NBEAL2: variants seen among roughly 807,000 people sequenced by gnomAD.
NBEAL2 encodes the protein neurobeachin like 2, also known as neurobeachin-like protein 2.
NBEAL2 carries 160 observed loss-of-function variants against 299.8 expected under a neutral mutation model. The ratio of observed to expected loss-of-function variants is 0.53; its 90% confidence interval spans 0.47 to 0.61. The LOEUF (loss-of-function observed/expected upper bound fraction) is 0.61, where lower values mean the gene tolerates loss of function less well. NBEAL2 is among the 20% of genes least tolerant of loss of function. The probability of loss-of-function intolerance (pLI) is 0.00; values close to 1 mark genes in which losing one functional copy is unlikely to be tolerated. For synonymous variants in NBEAL2, 1,493 were observed against 1,542.3 expected, an observed-to-expected ratio of 0.97 and a Z score of 0.75; for missense variants, 3,112 against 3,649.0, an observed-to-expected ratio of 0.85 and a Z score of 3.79.
Position 47,002,157 on chromosome 3 carries a change from C to T in NBEAL2, c.5020C>T (p.Arg1674Cys), listed in dbSNP as rs759044125. The change falls in exon 31 of 54, where the codon CGT (arginine) becomes TGT (cysteine). Residue 1674 changes from arginine to cysteine, a missense_variant. This residue lies in a region of NBEAL2 where 2,243 missense variants were observed against 2,538.1 expected (regional missense o/e 0.88). Transcript: ENST00000450053. ...GCCACTGGTGCGCACGCTGCTAGAC[C>T]GTGCCTATGAGCCGCTGGGGCTGCA... is the stretch of plus-strand genomic sequence containing the variant. ...LVPLVRTLLD[R>C]AYEPLGLQWG... The T allele has an allele frequency of 1.9e-6, 3 of 1,539,320 alleles. No homozygotes were observed. Among genetic ancestry groups the T allele is most frequent in the Non-Finnish European group, 1.8e-6 (2 of 1,139,366 alleles).
chr3:47,004,670 C>T lies in NBEAL2; in HGVS notation c.6294+80C>T, dbSNP rs773261954. On this transcript the variant is annotated intron_variant, in intron 38 of 53. Coordinates refer to ENST00000450053, the MANE Select transcript of NBEAL2 (RefSeq NM_015175.3). The surrounding 1 kb of genome is among the most constrained non-coding windows in gnomAD (Gnocchi z 5.0). Reference sequence around the variant, plus strand: ...TGGTTCCCCCAAGTGTAGGTACCTGCCAGTGGGCCAAGCTCTGAGCTTGGT... The same window carrying T: ...TGGTTCCCCCAAGTGTAGGTACCTGTCAGTGGGCCAAGCTCTGAGCTTGGT... The T allele has an allele frequency of 5.0e-6, 7 of 1,405,834 alleles. No individual in the cohort carries two copies. In the East Asian group the frequency reaches 1.4e-4, roughly 28 times the overall value. 87.1% of individuals were successfully genotyped at this position (1,405,834 alleles called of 1,614,324 possible). A position where few individuals can be genotyped will look rare whatever the true frequency, so the allele number is the denominator to read the frequency against.
intron 40 of NBEAL2, 68 bp from the exon 41 acceptor site, chr3:47,005,421 C>T (rs915616475): frequency 1.3e-6 from 2 of 1,581,206 alleles, no homozygotes; most frequent in Non-Finnish European, 8.6e-7. Context: ...TTCTTCCCTC[C>T]AGCCACAGCA....
At chr3:46,994,424 G>A in intron 11 of NBEAL2, 31 bp from the exon 12 acceptor site, 1 of 1,554,060 alleles carries the variant, frequency 6.4e-7, no homozygotes, top group Non-Finnish European at 8.7e-7. Context: ...CCATGTATGT[G>A]TTCACTTCTT....
rs1256186415 is a variant in NBEAL2, at chr3:47,009,231, C to T, written c.8176C>T (p.Gln2726Ter). The part of the protein sequence containing the change: ...AGQPSEVRSS[Q>*]FARKLWRSSR... The stretch of plus-strand genomic sequence containing the variant: ...TTACGCCCACCAGGTGCGCAGCAGC[C>T]AGTTCGCGCGGAAGCTGTGGCGGTC... Residue 2726 changes from glutamine to a stop codon, truncating the protein, a stop_gained, in exon 54 of 54, where the codon CAG becomes TAG. Transcript: ENST00000450053. LOFTEE classifies it high-confidence loss of function. The T allele has an allele frequency of 6.3e-7, 1 of 1,598,122 alleles. No homozygotes were observed. The highest frequency in any genetic ancestry group is 1.3e-5 in the African/African-American group (1 of 74,606).
At position 46,989,438 on chromosome 3, in the gene NBEAL2, G is replaced by A. The variant is rs1465639755; in HGVS notation, c.473+57G>A. 1.9e-5 allele frequency: 30 copies of A among 1,563,902 alleles called. No individual in the cohort carries two copies. Among genetic ancestry groups the A allele is most frequent in the East Asian group, 9.6e-5 (4 of 41,808 alleles). ...AGGAGGGTGGGGAGAGGATGGCCGC[G>A]CTGGGCCCAAGGAGGGGTGACGGCC... On this transcript the variant is annotated intron_variant, in intron 5 of 53. Coordinates refer to ENST00000450053, the MANE Select transcript of NBEAL2 (RefSeq NM_015175.3). The surrounding 1 kb of genome is among the most constrained non-coding windows in gnomAD (Gnocchi z 5.5).
chr3:47,006,019 C>T lies in NBEAL2; in HGVS notation c.6875C>T (p.Ala2292Val). The part of the protein sequence containing the change: ...LIFGYKQRGP[A>V]AEEALNVFYY... ...TTTGGCTACAAGCAGCGGGGGCCAG[C>T]CGCCGAGGAGGCCCTCAATGTCTTC... is the stretch of plus-strand genomic sequence containing the variant. The change falls in exon 43 of 54, where the codon GCC becomes GTC. Residue 2292 changes from alanine (A) to valine (V), a missense_variant. Ala to Val is a moderately conservative substitution (Grantham distance 64, BLOSUM62 0). Transcript: ENST00000450053. The T allele has an allele frequency of 6.2e-7, 1 of 1,613,766 alleles. No homozygotes were observed.
chr3:46,980,411 C>T (rs1453140705), intron 1 of NBEAL2, among the ~76,000 whole-genome samples: 1 of 152,076 alleles, frequency 6.6e-6, no homozygotes, highest in Non-Finnish European at 1.5e-5. Context: ...AAGGGGAATG[C>T]TCCCACTTCA....
At position 47,004,246 on chromosome 3, in the gene NBEAL2, TCC is replaced by T; in HGVS notation, c.6053_6054del (p.Pro2018GlnfsTer54). On this transcript the variant is annotated frameshift_variant, in exon 37 of 54. Transcript: ENST00000450053. LOFTEE classifies it high-confidence loss of function. This position sits in a 1 kb window ranked among gnomAD's most constrained non-coding sequence, Gnocchi z 5.0. ...CCCCAGTCTCATCTCCTAGCCAGAC[TCC>T]CAGACCCCAGCCTGGCCCCATCCCA... ...TTPVSSPSQT[P>X]RPQPGPIPPH... is the part of the protein sequence containing the mutation. The T allele has an allele frequency of 1.9e-6, 3 of 1,613,688 alleles. No homozygotes were observed. The highest frequency in any genetic ancestry group is 2.5e-6 in the Non-Finnish European group (3 of 1,179,796).
At chr3:46,994,157 C>T in intron 11 of NBEAL2, 137 bp downstream of exon 11, 1 of 894,840 alleles carries the variant, frequency 1.1e-6, no homozygotes, top group South Asian at 1.6e-5. Context: ...GGTGACTGCC[C>T]TGCCCTAAAG....
chr3:46,985,502 C>T (rs1185990849), intron 1 of NBEAL2, among the ~76,000 whole-genome samples: 13 of 152,194 alleles, frequency 8.5e-5, no homozygotes, highest in Non-Finnish European at 5.9e-5. Context: ...GTTCCATGCC[C>T]ACCCAGGGAC....
Position 47,006,319 on chromosome 3 carries a change from C to T in NBEAL2, c.7018-14C>T. The T allele has an allele frequency of 1.2e-6, 2 of 1,600,184 alleles. No homozygotes were observed. The highest frequency in any genetic ancestry group is 1.7e-6 in the Non-Finnish European group (2 of 1,173,946). On this transcript the variant is annotated splice_polypyrimidine_tract_variant and intron_variant, in intron 44 of 53. Coordinates refer to ENST00000450053, the MANE Select transcript of NBEAL2 (RefSeq NM_015175.3). ...ATGCCCATGCCATGGTGCTGACCAG[C>T]CACTTACCCACAGGAGCCACATCCA...
chr3:46,998,071 C>G lies in NBEAL2; in HGVS notation c.2963C>G (p.Pro988Arg). 2 of 1,566,964 alleles carry G rather than the reference C, an allele frequency of 1.3e-6. No homozygotes were observed. The highest frequency in any genetic ancestry group is 1.7e-6 in the Non-Finnish European group (2 of 1,155,600). ...CCAGCTCCTGTCTTATCCCAGGTCC[C>G]AAGCTGGGCCATGGACATGAACGTG... ...AIIGALLRKV[P>R]SWAMDMNVLM... The change falls in exon 21 of 54, where the codon CCA (proline) becomes CGA (arginine). Residue 988 changes from proline (P) to arginine (R), a missense_variant. Pro to Arg is a moderately radical substitution (Grantham distance 103, BLOSUM62 -2). Around this residue, in one of 3 missense-constraint regions of NBEAL2, gnomAD observed 2,243 missense variants for 2,538.1 expected, o/e 0.88. Coordinates refer to ENST00000450053, the MANE Select transcript of NBEAL2 (RefSeq NM_015175.3).
intron 9 of NBEAL2, 140 bp downstream of exon 9, chr3:46,992,086 G>C: frequency 1.3e-6 from 1 of 766,250 alleles, no homozygotes; most frequent in Non-Finnish European, 2.2e-6. Flanking sequence ...TTGCAGTTCA[G>C]TGGGAGGGTG....
Position 46,997,058 on chromosome 3 carries a change from C to T in NBEAL2, c.2649+12C>T, listed in dbSNP as rs757717303. On this transcript the variant is annotated intron_variant, in intron 18 of 53. Transcript: ENST00000450053. ...CCTGGGATGTGAAGGTCTGTGAGCA[C>T]GTGTGGGTGGTGTGTGCAGGAGGCA... is the stretch of plus-strand genomic sequence containing the variant. 7.5e-6 allele frequency: 12 copies of T among 1,609,844 alleles called. No individual in the cohort carries two copies. The highest frequency in any genetic ancestry group is 4.0e-5 in the African/African-American group (3 of 74,854).
rs1167971882 is a variant in NBEAL2, at chr3:47,001,719, C to T, written c.4675C>T (p.Arg1559Cys). 5 of 1,613,830 alleles carry T rather than the reference C, an allele frequency of 3.1e-6. No homozygotes were observed. Among genetic ancestry groups the T allele is most frequent in the East Asian group, 2.2e-5 (1 of 44,870 alleles). ...LFEGVCSLLD[R>C]LGAWPHLANG... Reference sequence around the variant, plus strand: ...TGAAGGTGTATGCAGCCTACTTGATCGCCTGGGAGCCTGGCCCCACCTGGC... The same window carrying T: ...TGAAGGTGTATGCAGCCTACTTGATTGCCTGGGAGCCTGGCCCCACCTGGC... Residue 1559 changes from arginine to cysteine, a missense_variant, in exon 30 of 54, where the codon CGC becomes TGC. Coordinates refer to ENST00000450053, the MANE Select transcript of NBEAL2 (RefSeq NM_015175.3). This position sits in a 1 kb window ranked among gnomAD's most constrained non-coding sequence, Gnocchi z 6.1.
In NBEAL2 at chr3:47,001,902, T is replaced by C; in HGVS notation, c.4783-18T>C. 2 of 1,605,854 alleles carry C rather than the reference T, an allele frequency of 1.2e-6. No individual in the cohort carries two copies. Among genetic ancestry groups the C allele is most frequent in the South Asian group, 1.1e-5 (1 of 90,966 alleles). On this transcript the variant is annotated intron_variant, in intron 30 of 53. Coordinates refer to ENST00000450053, the MANE Select transcript of NBEAL2 (RefSeq NM_015175.3). This position sits in a 1 kb window ranked among gnomAD's most constrained non-coding sequence, Gnocchi z 6.1. ...TCCAAGAGTGGCTGGGTGCCACTCA[T>C]CTCTCTTGCGCCCACAGCTGCATGC...
Position 47,007,710 on chromosome 3 carries a change from T to C in NBEAL2, c.7507+13T>C. ...AGCTGCCACCTTGGTATGAACAGCC[T>C]TGGAGCTGGGGAGAATGAGGCACAC... On this transcript the variant is annotated intron_variant, in intron 48 of 53. Coordinates refer to ENST00000450053, the MANE Select transcript of NBEAL2 (RefSeq NM_015175.3). 1 of 1,609,626 alleles carries C rather than the reference T, an allele frequency of 6.2e-7. No individual in the cohort carries two copies. Among genetic ancestry groups the C allele is most frequent in the Non-Finnish European group, 8.5e-7 (1 of 1,177,558 alleles).
rs772546336 is a variant in NBEAL2, at chr3:47,007,872, C to G, written c.7564C>G (p.Arg2522Gly). 5.6e-6 allele frequency: 9 copies of G among 1,613,424 alleles called. No individual in the cohort carries two copies. In the African/African-American group the frequency reaches 9.3e-5, roughly 17 times the overall value. The change falls in exon 49 of 54, where the codon CGG becomes GGG. Residue 2522 changes from arginine to glycine, a missense_variant. Physicochemically the swap from Arg to Gly is moderately radical, Grantham distance 125. Transcript: ENST00000450053. ...TGGCATCTACCTCATCTCAGGCTCC[C>G]GGGACACCACGTGCATGGTGTGGCG... is the stretch of plus-strand genomic sequence containing the variant. ...TCGIYLISGS[R>G]DTTCMVWRLL...
In NBEAL2 at chr3:46,988,020, C is replaced by T. The variant is rs1230356328; in HGVS notation, c.52-649C>T. On this transcript the variant is annotated intron_variant, in intron 1 of 53. Coordinates refer to ENST00000450053, the MANE Select transcript of NBEAL2 (RefSeq NM_015175.3). This position sits in a 1 kb window ranked among gnomAD's most constrained non-coding sequence, Gnocchi z 4.4. ...AAAGTTTTCCTGGCAGCGCCTAGAC[C>T]TGGGCTTAGCCACTGCCCCTCTTGC... 1.6e-6 allele frequency: 2 copies of T among 1,278,930 alleles called. No individual in the cohort carries two copies. Among genetic ancestry groups the T allele is most frequent in the African/African-American group, 3.1e-5 (2 of 64,666 alleles). The allele number at this position is 1,278,930 out of a possible 1,614,324, so 79.2% of individuals were successfully genotyped here.
Sources: gnomAD v4.1 joint callset for allele counts (sites outside exome capture counted in the v4.1 genomes callset) on GRCh38, gnomAD v4.1.1 for gene constraint, gnomAD v4.1.1 regional missense constraint, Gnocchi (gnomAD v3.1) non-coding constraint, MANE v1.5 for transcripts, NCBI Gene and HGNC (gene_info 2026-07-23, HGNC 2026-07-21) for gene names.